SCN3A: variants seen among roughly 807,000 people sequenced by gnomAD.
SCN3A encodes sodium channel protein type 3 subunit alpha.
Under a neutral mutation model 187.6 loss-of-function variants are expected in SCN3A, and 60 were observed. That is an observed-to-expected ratio of 0.32 (90% confidence interval 0.26 to 0.40). SCN3A has a LOEUF of 0.40. SCN3A is among the 10% of genes least tolerant of loss of function. SCN3A has a pLI of 1.00. For synonymous variants in SCN3A, 788 were observed against 829.2 expected, an observed-to-expected ratio of 0.95 and a Z score of 0.85; for missense variants, 1,601 against 2,428.2, an observed-to-expected ratio of 0.66 and a Z score of 7.16.
At chr2:165,165,527 C>T (rs571936834) in intron 5 of SCN3A, among the ~76,000 whole-genome samples, 1 of 152,236 alleles carries the variant, frequency 6.6e-6, no homozygotes, top group African/African-American at 2.4e-5. Flanking sequence ...GTATTTCTAG[C>T]CCTCTTTTCT....
intron 12 of SCN3A, among the ~76,000 whole-genome samples, chr2:165,146,439 C>T (rs1185387733): frequency 2.1e-5 from 3 of 140,262 alleles, no homozygotes; most frequent in Admixed American, 7.3e-5. Context: ...TATATACACA[C>T]ATATATATAT....
intron 21 of SCN3A, among the ~76,000 whole-genome samples, chr2:165,112,518 G>A (rs1686170116): frequency 6.6e-6 from 1 of 152,072 alleles, no homozygotes; most frequent in Non-Finnish European, 1.5e-5. Flanking sequence ...TTTTTATTTT[G>A]CTTCTTGGAG....
At chr2:165,165,527 C>G (rs571936834) in intron 5 of SCN3A, among the ~76,000 whole-genome samples, 3 of 152,118 alleles carry the variant, frequency 2.0e-5, no homozygotes, top group Non-Finnish European at 4.4e-5. Context: ...GTATTTCTAG[C>G]CCTCTTTTCT....
At chr2:165,136,679 C>T (rs1285358563) in intron 15 of SCN3A, among the ~76,000 whole-genome samples, 3 of 152,172 alleles carry the variant, frequency 2.0e-5, no homozygotes, top group African/African-American at 4.8e-5. Flanking sequence ...TAGTTATCAA[C>T]CAGTGGGTTA....
At chr2:165,161,477 A>T (rs1367868187) in intron 9 of SCN3A, among the ~76,000 whole-genome samples, 1 of 152,132 alleles carries the variant, frequency 6.6e-6, no homozygotes, top group Non-Finnish European at 1.5e-5. Flanking sequence ...GTCAGGAAAA[A>T]AAATTCCCCA....
chr2:165,182,221 A>G (rs1462782133), intron 2 of SCN3A, among the ~76,000 whole-genome samples: 1 of 152,220 alleles, frequency 6.6e-6, no homozygotes, highest in Non-Finnish European at 1.5e-5. Context: ...CAACTGCCCT[A>G]GAAGAAAGCA....
intron 11 of SCN3A, among the ~76,000 whole-genome samples, chr2:165,153,870 A>G (rs545199124): frequency 6.6e-6 from 1 of 151,682 alleles, no homozygotes; most frequent in Non-Finnish European, 1.5e-5. Context: ...TCCTCAACAC[A>G]TTAATGTCCC....
In SCN3A at chr2:165,109,759, T is replaced by C. The variant is rs1459553136; in HGVS notation, c.3843+3126A>G. ...CCCTGCTTATCCTGCTGCTGGGGCT[T>C]CTCATGGTCATTATAACTAATATAT... On this transcript the variant is annotated intron_variant, in intron 21 of 27. Transcript: ENST00000283254. Among the ~76,000 whole-genome samples the C allele has an allele frequency of 3.3e-5, 5 of 152,180 alleles. No homozygotes were observed. The East Asian group carries it at 9.6e-4, about 29-fold the overall frequency.
chr2:165,154,930 G>A lies in SCN3A; in HGVS notation c.1174-272C>T, dbSNP rs1484297332. Among the ~76,000 whole-genome samples, 10 of 152,220 alleles carry A rather than the reference G, an allele frequency of 6.6e-5. No individual in the cohort carries two copies. In the South Asian group the frequency reaches 1.9e-3, roughly 28 times the overall value. On this transcript the variant is annotated intron_variant, in intron 10 of 27. Transcript: ENST00000283254. ...GCCCCACTATAATGCTTTTATTAGA[G>A]TTCATATGCAGAGCAATAATATGAC...
In SCN3A at chr2:165,088,282, G is replaced by T. The variant is rs878890225; in HGVS notation, c.*1868C>A. ...AAAAAGAATTAACATTAAACTTTTG[G>T]TTTGTGCAAAAAACAAAAATTTATA... On this transcript the variant is annotated 3_prime_UTR_variant, in exon 28 of 28. Transcript: ENST00000283254. The T allele has an allele frequency of 2.6e-5, 4 of 152,206 alleles. No homozygotes were observed. Among genetic ancestry groups the T allele is most frequent in the African/African-American group, 9.7e-5 (4 of 41,322 alleles). 9.4% of individuals were successfully genotyped at this position (152,206 alleles called of 1,614,324 possible). A position where few individuals can be genotyped will look rare whatever the true frequency, so the allele number is the denominator to read the frequency against.
chr2:165,095,929 T>C (rs1685345258), intron 24 of SCN3A, among the ~76,000 whole-genome samples: 1 of 152,306 alleles, frequency 6.6e-6, no homozygotes, highest in Non-Finnish European at 1.5e-5. Flanking sequence ...TTTGAGCCTA[T>C]TATTAGTCAT....
At chr2:165,142,459 C>T (rs1487619960) in intron 12 of SCN3A, among the ~76,000 whole-genome samples, 3 of 152,082 alleles carry the variant, frequency 2.0e-5, no homozygotes, top group Non-Finnish European at 4.4e-5. Context: ...GTGCTCTGTT[C>T]CTTTGGATTT....
chr2:165,195,389 C>T (rs1691884375), intron 1 of SCN3A: 1 of 152,162 alleles, frequency 6.6e-6, no homozygotes, highest in Non-Finnish European at 1.5e-5. Flanking sequence ...ATTGAGTTCA[C>T]TCATTCTTCA....
chr2:165,107,234 C>T (rs1251888247), intron 21 of SCN3A, among the ~76,000 whole-genome samples: 1 of 152,028 alleles, frequency 6.6e-6, no homozygotes, highest in Non-Finnish European at 1.5e-5. Flanking sequence ...CATACTCTTT[C>T]AAAGAATGGG....
intron 1 of SCN3A, among the ~76,000 whole-genome samples, chr2:165,195,917 T>C (rs1691919947): frequency 6.6e-6 from 1 of 152,154 alleles, no homozygotes. Context: ...CCCTTTCCTT[T>C]TCAAAATGTT....
chr2:165,120,009 A>G (rs971748955), intron 18 of SCN3A, among the ~76,000 whole-genome samples: 3 of 152,134 alleles, frequency 2.0e-5, no homozygotes, highest in African/African-American at 7.2e-5. Context: ...TGGCACTTAA[A>G]GGTTAAATTT....
intron 2 of SCN3A, among the ~76,000 whole-genome samples, chr2:165,185,998 G>T (rs574452821): frequency 6.6e-6 from 1 of 152,086 alleles, no homozygotes; most frequent in Non-Finnish European, 1.5e-5. Flanking sequence ...GTTGCTGGGC[G>T]CGATGGCTCA....
At chr2:165,196,426 G>A (rs1691960836) in intron 1 of SCN3A, among the ~76,000 whole-genome samples, 1 of 152,122 alleles carries the variant, frequency 6.6e-6, no homozygotes, top group South Asian at 2.1e-4. Context: ...TTGGCAGAAT[G>A]TTAGAGATGG....
chr2:165,173,185 A>G (rs1690222977), intron 3 of SCN3A, among the ~76,000 whole-genome samples: 1 of 152,218 alleles, frequency 6.6e-6, no homozygotes, highest in Non-Finnish European at 1.5e-5. Context: ...TTACATCTCA[A>G]TGATTAGGAC....
Sources: allele counts gnomAD v4.1 joint callset (sites outside exome capture counted in the v4.1 genomes callset), GRCh38; gene constraint gnomAD v4.1.1; transcripts MANE v1.5; gene names NCBI Gene and HGNC (gene_info 2026-07-23, HGNC 2026-07-21).